THRB: variants seen among roughly 807,000 people sequenced by gnomAD.
The protein encoded by THRB is nuclear receptor subfamily 1 group A member 2.
A neutral mutation model predicts 47.8 loss-of-function variants in THRB; 12 were observed. The ratio of observed to expected loss-of-function variants is 0.25; its 90% CI spans 0.16 to 0.41. The LOEUF is 0.41. Ranked by LOEUF, THRB falls within the 10% of genes least tolerant of loss-of-function variation. THRB has a pLI of 1.00. For missense variants in THRB, 348 were observed against 589.2 expected, an observed-to-expected ratio of 0.59 and a Z score of 4.24; for synonymous variants, 218 against 212.2, an observed-to-expected ratio of 1.03 and a Z score of -0.24.
Position 24,249,759 on chromosome 3 carries a change from A to T in THRB, c.-42-20758T>A, listed in dbSNP as rs545034305. ...AACAGTCTGCTCTATAAGGAGTGGCATGTTTGGACAGAGAGGTGGGGCAAA... is the reference window on the plus strand; with the variant it reads ...AACAGTCTGCTCTATAAGGAGTGGCTTGTTTGGACAGAGAGGTGGGGCAAA... On this transcript the variant is annotated intron_variant, in intron 3 of 10. Coordinates refer to ENST00000646209, the MANE Select transcript of THRB (RefSeq NM_001354712.2). Among the ~76,000 whole-genome samples the T allele has an allele frequency of 3.5e-4, 54 of 152,298 alleles. No individual in the cohort carries two copies. In the East Asian group the frequency reaches 8.5e-3, roughly 24 times the overall value.
At chr3:24,292,908 G>GA (rs142479935) in intron 3 of THRB, among the ~76,000 whole-genome samples, 98 of 151,390 alleles carry the variant, frequency 6.5e-4, no homozygotes, top group African/African-American at 2.1e-3. Flanking sequence ...GCATTTCAAT[G>GA]AAAAAAAACA....
intron 1 of THRB, among the ~76,000 whole-genome samples, chr3:24,478,760 A>G (rs771101726): frequency 1.3e-5 from 2 of 152,078 alleles, no homozygotes; most frequent in Non-Finnish European, 2.9e-5. Context: ...ATCTCCCCCT[A>G]CCCCATGAGG....
intron 3 of THRB, chr3:24,238,168 A>G (rs2049062213): frequency 6.6e-6 from 1 of 150,990 alleles, no homozygotes; most frequent in African/African-American, 2.4e-5. Flanking sequence ...ACTTCAGCAG[A>G]TGCCCCTTTG....
At position 24,285,210 on chromosome 3, in the gene THRB, A is replaced by G. The variant is rs555856488; in HGVS notation, c.-43+12016T>C. Among the ~76,000 whole-genome samples, 383 of 149,102 alleles carry G rather than the reference A, an allele frequency of 2.6e-3. 8 individuals carry two copies. Among genetic ancestry groups the G allele is most frequent in the East Asian group, 0.024 (126 of 5,170 alleles). ...ATGTCCAACAATGATAGACTGGATT[A>G]AGAAAATGTGGCACATATACACCAT... On this transcript the variant is annotated intron_variant, in intron 3 of 10. Transcript: ENST00000646209.
intron 3 of THRB, among the ~76,000 whole-genome samples, chr3:24,248,392 AG>A (rs1265774312): frequency 6.6e-6 from 1 of 152,178 alleles, no homozygotes; most frequent in Non-Finnish European, 1.5e-5. Context: ...GGACATCAGT[AG>A]TTGTTTAAAG....
intron 3 of THRB, among the ~76,000 whole-genome samples, chr3:24,240,135 G>T (rs1228092354): frequency 6.6e-6 from 1 of 152,146 alleles, no homozygotes; most frequent in African/African-American, 2.4e-5. Context: ...AGTGTGATTT[G>T]CAGTATCTCC....
chr3:24,337,862 C>T (rs1023474736), intron 1 of THRB, among the ~76,000 whole-genome samples: 6 of 152,126 alleles, frequency 3.9e-5, no homozygotes, highest in African/African-American at 1.4e-4. Context: ...ATGGGTTCCT[C>T]ATCAGGGTAT....
chr3:24,480,250 G>T (rs796843866), intron 1 of THRB, among the ~76,000 whole-genome samples: 10 of 152,306 alleles, frequency 6.6e-5, no homozygotes, highest in African/African-American at 1.9e-4. Flanking sequence ...GCACTGGAAA[G>T]CACATGATCC....
At chr3:24,236,021 A>G (rs2048827246) in intron 3 of THRB, among the ~76,000 whole-genome samples, 2 of 152,270 alleles carry the variant, frequency 1.3e-5, no homozygotes, top group South Asian at 4.2e-4. Flanking sequence ...ATCTGGAAGC[A>G]CAGCTGAATA....
At chr3:24,185,773 G>A (rs1009537794) in intron 5 of THRB, among the ~76,000 whole-genome samples, 20 of 152,158 alleles carry the variant, frequency 1.3e-4, no homozygotes, top group African/African-American at 2.9e-4. Context: ...CCATGCATCC[G>A]TCTAGAGCCC....
chr3:24,465,826 A>T (rs2074101578), intron 1 of THRB, among the ~76,000 whole-genome samples: 2 of 152,100 alleles, frequency 1.3e-5, no homozygotes, highest in South Asian at 4.1e-4. Context: ...CTTTAAACAG[A>T]CTTTAAAAAT....
At chr3:24,200,043 T>C (rs542973563) in intron 4 of THRB, among the ~76,000 whole-genome samples, 1 of 152,188 alleles carries the variant, frequency 6.6e-6, no homozygotes, top group African/African-American at 2.4e-5. Flanking sequence ...AGTCCTTAGG[T>C]TGGATGACTC....
chr3:24,353,754 C>T (rs2063501843), intron 1 of THRB, among the ~76,000 whole-genome samples: 1 of 151,746 alleles, frequency 6.6e-6, no homozygotes, highest in African/African-American at 2.4e-5. Flanking sequence ...ATTAATAAGC[C>T]CCTTAATTTT....
At chr3:24,462,849 G>C (rs1048544298) in intron 1 of THRB, among the ~76,000 whole-genome samples, 1 of 152,136 alleles carries the variant, frequency 6.6e-6, no homozygotes, top group Non-Finnish European at 1.5e-5. Flanking sequence ...CAGTTTCTCA[G>C]GCTACCAAGC....
intron 5 of THRB, among the ~76,000 whole-genome samples, chr3:24,162,686 C>CAAAAAA (rs368706028): frequency 8.3e-6 from 1 of 120,640 alleles, no homozygotes. Context: ...GCTATGAATG[C>CAAAAAA]AAAAAAAAAA....
intron 10 of THRB, 84 bp from the exon 11 acceptor site, chr3:24,123,209 G>A: frequency 6.3e-7 from 1 of 1,594,260 alleles, no homozygotes; most frequent in Non-Finnish European, 8.5e-7. Flanking sequence ...CTTTATTGGG[G>A]GGCGGGCAGA....
intron 3 of THRB, among the ~76,000 whole-genome samples, chr3:24,289,603 G>A (rs1009204848): frequency 1.3e-5 from 2 of 152,106 alleles, no homozygotes; most frequent in Non-Finnish European, 2.9e-5. Context: ...GAAATGACGT[G>A]AAAATTAAAA....
At chr3:24,484,162 T>G (rs917945111) in intron 1 of THRB, 1 of 152,214 alleles carries the variant, frequency 6.6e-6, no homozygotes, top group South Asian at 2.1e-4. Flanking sequence ...AAAAATAAAC[T>G]TCCATTTGTT....
intron 1 of THRB, among the ~76,000 whole-genome samples, chr3:24,451,376 G>A (rs1488256602): frequency 2.0e-5 from 3 of 152,074 alleles, no homozygotes; most frequent in East Asian, 1.9e-4. Flanking sequence ...TGGGACTACA[G>A]GTGCCTGCCA....
Sources: gnomAD v4.1 joint callset for allele counts (sites outside exome capture counted in the v4.1 genomes callset) on GRCh38, gnomAD v4.1.1 for gene constraint, MANE v1.5 for transcripts, NCBI Gene and HGNC (gene_info 2026-07-23, HGNC 2026-07-21) for gene names.